The following TENM1 variants were observed in gnomAD, a reference collection of about 807,000 sequenced individuals.
The protein encoded by TENM1 is teneurin-1.
A neutral mutation model predicts 174.8 loss-of-function variants in TENM1; 35 were observed. That is an observed-to-expected ratio of 0.20 (90% CI 0.15 to 0.27). The LOEUF is 0.27. Ranked by LOEUF, TENM1 falls within the 10% of genes least tolerant of loss-of-function variation. TENM1 has a pLI of 1.00. For missense variants in TENM1, 1,633 were observed against 2,130.1 expected, an observed-to-expected ratio of 0.77 and a Z score of 4.59; for synonymous variants, 781 against 798.7, an observed-to-expected ratio of 0.98 and a Z score of 0.37.
chrX:124,946,370 G>A (rs969420731), intron 1 of TENM1, among the ~76,000 whole-genome samples: 2 of 111,850 alleles, frequency 1.8e-5, no homozygotes, highest in African/African-American at 6.5e-5. Context: ...AGCTGGTGAT[G>A]TAAGTGTTTT....
the TENM1 span, among the ~76,000 whole-genome samples, chrX:124,990,606 G>A: frequency 1.8e-5 from 2 of 112,652 alleles, no homozygotes; most frequent in Non-Finnish European, 3.8e-5. Flanking sequence ...GCTGGACACT[G>A]ATTCTGGCTT....
At chrX:124,800,983 T>G (rs754933011) in intron 3 of TENM1, among the ~76,000 whole-genome samples, 2 of 112,103 alleles carry the variant, frequency 1.8e-5, no homozygotes, top group African/African-American at 3.2e-5. Context: ...ATTTCAGTTC[T>G]TTTGCAGTTG....
chrX:124,792,375 TCA>T (rs2055199158), intron 3 of TENM1, among the ~76,000 whole-genome samples: 1 of 111,737 alleles, frequency 8.9e-6, no homozygotes, highest in Non-Finnish European at 1.9e-5. Flanking sequence ...CATGCCAATG[TCA>T]CAGGAATGAC....
the TENM1 span, among the ~76,000 whole-genome samples, chrX:125,199,665 G>T: frequency 3.9e-3 from 431 of 111,338 alleles, 6 homozygotes; most frequent in African/African-American, 0.014. Flanking sequence ...TATACTTCCA[G>T]GCCTTGAAAT....
intron 11 of TENM1, among the ~76,000 whole-genome samples, chrX:124,579,552 C>T (rs1254343193): frequency 2.7e-5 from 3 of 111,936 alleles, no homozygotes; most frequent in Non-Finnish European, 3.8e-5. Flanking sequence ...TTCTCCTCTT[C>T]TATACTATTA....
Position 124,815,945 on chromosome X carries a change from T to C in TENM1, c.535+78351A>G, listed in dbSNP as rs1372146157. Among the ~76,000 whole-genome samples, 3 of 111,933 alleles carry C rather than the reference T, an allele frequency of 2.7e-5. No homozygotes were observed. In the East Asian group the frequency reaches 8.4e-4, roughly 31 times the overall value. ...TTTAAGCAGTTTTAAAGAAAGTTTC[T>C]TTAGGGGTTAAGTAGATTTGGAAGT... On this transcript the variant is annotated intron_variant, in intron 3 of 31. Coordinates refer to ENST00000422452, the Ensembl canonical transcript of TENM1.
At chrX:124,585,892 G>C (rs771583500) in intron 11 of TENM1, among the ~76,000 whole-genome samples, 3 of 110,815 alleles carry the variant, frequency 2.7e-5, no homozygotes, top group African/African-American at 1.0e-4. Flanking sequence ...ACTACCATCA[G>C]GGAATACTAC....
At chrX:124,380,478 C>T in exon 32 of TENM1, 1 of 1,098,052 alleles carries the variant, frequency 9.1e-7, no homozygotes, top group Admixed American at 2.8e-5. Flanking sequence ...ATACAATAAA[C>T]CATTTTATGT....
At chrX:125,160,094 G>T in the TENM1 span, among the ~76,000 whole-genome samples, 1 of 108,722 alleles carries the variant, frequency 9.2e-6, no homozygotes, top group Non-Finnish European at 1.9e-5. Flanking sequence ...CAGCTACTCG[G>T]GAGGCTGAGG....
chrX:124,749,620 G>A (rs2054015067), intron 3 of TENM1, among the ~76,000 whole-genome samples: 1 of 112,013 alleles, frequency 8.9e-6, no homozygotes, highest in African/African-American at 3.2e-5. Flanking sequence ...GGAATGCTCA[G>A]AAACATTTTT....
the TENM1 span, among the ~76,000 whole-genome samples, chrX:125,119,876 A>G: frequency 1.8e-5 from 2 of 111,977 alleles, no homozygotes; most frequent in South Asian, 7.5e-4. Flanking sequence ...TGGGTAGTAT[A>G]TAATAGTCTT....
chrX:124,780,366 T>C (rs1281447605), intron 3 of TENM1, among the ~76,000 whole-genome samples: 7 of 112,271 alleles, frequency 6.2e-5, no homozygotes, highest in Non-Finnish European at 7.5e-5. Context: ...TTCATACCAT[T>C]GGTGATTCAC....
chrX:124,777,594 T>G (rs973342411), intron 3 of TENM1, among the ~76,000 whole-genome samples: 3 of 112,117 alleles, frequency 2.7e-5, no homozygotes, highest in African/African-American at 6.5e-5. Flanking sequence ...TCTCTGAATT[T>G]TATTCAATTC....
chrX:125,065,088 A>G, the TENM1 span, among the ~76,000 whole-genome samples: 6 of 112,147 alleles, frequency 5.4e-5, no homozygotes, highest in African/African-American at 1.9e-4. Context: ...GGGATGAAAG[A>G]TGGTTTTACC....
At chrX:124,742,682 A>C (rs1236085501) in intron 3 of TENM1, among the ~76,000 whole-genome samples, 1 of 110,914 alleles carries the variant, frequency 9.0e-6, no homozygotes, top group African/African-American at 3.3e-5. Context: ...AATTTGAAAA[A>C]TTCTAAATTC....
chrX:124,922,416 A>C (rs985216507), intron 1 of TENM1, among the ~76,000 whole-genome samples: 3 of 111,103 alleles, frequency 2.7e-5, no homozygotes, highest in Non-Finnish European at 3.8e-5. Flanking sequence ...TTCGCAGACC[A>C]GCTTTTGGCT....
the TENM1 span, among the ~76,000 whole-genome samples, chrX:125,193,937 A>C: frequency 9.1e-6 from 1 of 110,050 alleles, no homozygotes; most frequent in Admixed American, 9.7e-5. Flanking sequence ...GAGATGTACC[A>C]CCACGCCCAG....
chrX:125,028,936 GAA>G, the TENM1 span, among the ~76,000 whole-genome samples: 1 of 111,788 alleles, frequency 8.9e-6, no homozygotes. Context: ...CTTAGTGAAA[GAA>G]TGATAGGTAT....
At chrX:124,384,327 G>C (rs915201149) in exon 30 of TENM1, 1 of 1,207,453 alleles carries the variant, frequency 8.3e-7, no homozygotes, top group Non-Finnish European at 1.1e-6. Flanking sequence ...AGGTCATATC[G>C]GAGAGGAGTA....
Sources: allele counts gnomAD v4.1 joint callset (sites outside exome capture counted in the v4.1 genomes callset), GRCh38; gene constraint gnomAD v4.1.1; transcripts MANE v1.5; gene names NCBI Gene and HGNC (gene_info 2026-07-23, HGNC 2026-07-21).